The following SENP6 variants were observed in gnomAD, a reference collection of about 807,000 sequenced individuals.
SENP6 encodes SUMO specific peptidase 6, also known as sentrin-specific protease 6.
A neutral mutation model predicts 134.5 loss-of-function variants in SENP6; 41 were observed. The observed-to-expected ratio is 0.30, with a 90% CI of 0.24 to 0.40. The LOEUF (loss-of-function observed/expected upper bound fraction) is 0.40, where lower values mean the gene tolerates loss of function less well. Ranked by LOEUF, SENP6 falls within the 10% of genes least tolerant of loss-of-function variation. The pLI, the probability that SENP6 is intolerant of heterozygous loss-of-function variation, is 1.00. For missense variants in SENP6, 1,248 were observed against 1,312.5 expected (o/e 0.95, Z 0.76); for synonymous variants, 395 against 429.8 (o/e 0.92, Z 1.00).
At chr6:75,640,630 A>G (rs1309961524) in intron 5 of SENP6, 54 bp from the exon 6 acceptor site, 4 of 1,278,186 alleles carry the variant, frequency 3.1e-6, no homozygotes, top group African/African-American at 1.5e-5. Context: ...CTACAGTGAT[A>G]TATCAACAAT....
At chr6:75,631,919 G>A (rs1354389401) in intron 3 of SENP6, among the ~76,000 whole-genome samples, 4 of 152,156 alleles carry the variant, frequency 2.6e-5, no homozygotes, top group African/African-American at 9.7e-5. Flanking sequence ...CTCGGATGAA[G>A]CATTGATGAA....
At chr6:75,650,438 G>T (rs1399027990) in intron 7 of SENP6, among the ~76,000 whole-genome samples, 1 of 152,132 alleles carries the variant, frequency 6.6e-6, no homozygotes, top group Admixed American at 6.6e-5. Context: ...CCATTGGTGG[G>T]TCTTGCTGGC....
At chr6:75,610,411 T>G (rs1478106171) in intron 1 of SENP6, among the ~76,000 whole-genome samples, 1 of 152,180 alleles carries the variant, frequency 6.6e-6, no homozygotes, top group African/African-American at 2.4e-5. Context: ...CAACAATGGA[T>G]AATCCATTAT....
intron 9 of SENP6, among the ~76,000 whole-genome samples, chr6:75,663,832 G>T (rs1350669202): frequency 1.3e-4 from 17 of 128,870 alleles, no homozygotes; most frequent in African/African-American, 4.2e-4. Flanking sequence ...GGGGGGGGGG[G>T]TGCCTAAAAT....
chr6:75,700,638 G>A (rs960658391), intron 18 of SENP6, among the ~76,000 whole-genome samples: 8 of 152,160 alleles, frequency 5.3e-5, no homozygotes, highest in African/African-American at 1.4e-4. Context: ...CCACAGGCAC[G>A]TGCCATCACA....
intron 16 of SENP6, among the ~76,000 whole-genome samples, chr6:75,687,634 A>G (rs562833032): frequency 1.1e-3 from 172 of 152,126 alleles, no homozygotes; most frequent in African/African-American, 3.9e-3. Context: ...CTGTTTGTTG[A>G]TGCTATTCCT....
intron 3 of SENP6, among the ~76,000 whole-genome samples, chr6:75,629,549 C>T (rs751944021): frequency 1.1e-4 from 16 of 152,176 alleles, no homozygotes; most frequent in Non-Finnish European, 1.9e-4. Flanking sequence ...ATCCGCCCAC[C>T]TTGGCTTCCC....
chr6:75,669,023 C>T (rs9359135), intron 10 of SENP6, among the ~76,000 whole-genome samples: 14,621 of 152,214 alleles, frequency 0.096, 730 homozygotes, highest in Non-Finnish European at 0.11. Context: ...AAACAAAACA[C>T]TTTTAAACCT....
At position 75,702,754 on chromosome 6, in the gene SENP6, G is replaced by C. The variant is rs1775123433; in HGVS notation, c.2398G>C (p.Glu800Gln). 2 of 1,613,748 alleles carry C rather than the reference G, an allele frequency of 1.2e-6. No individual in the cohort carries two copies. Among genetic ancestry groups the C allele is most frequent in the African/African-American group, 2.7e-5 (2 of 75,028 alleles). The change falls in exon 19 of 24, where the codon GAG becomes CAG. Residue 800 changes from glutamate (E) to glutamine (Q), a missense_variant. Physicochemically the swap from Glu to Gln is conservative, Grantham distance 29 (BLOSUM62 2). This residue lies in a region of SENP6 where 386 missense variants were observed against 395.0 expected (regional missense o/e 0.98). Coordinates refer to ENST00000447266, the MANE Select transcript of SENP6 (RefSeq NM_015571.4). ...TGTCATACAGAAATGTTCAACTGTA[G>C]AGGACAGTTGTATTTCTTCTTCAGC... ...NAVIQKCSTVEDSCISSSASE... is the reference protein window; with the variant it reads ...NAVIQKCSTVQDSCISSSASE...
intron 19 of SENP6, 71 bp downstream of exon 19, chr6:75,703,143 A>C: frequency 2.4e-6 from 3 of 1,259,176 alleles, no homozygotes; most frequent in Non-Finnish European, 3.3e-6. Context: ...AACAGGATTA[A>C]GATCCTGTTT....
chr6:75,645,065 T>C (rs1770327273), intron 6 of SENP6, among the ~76,000 whole-genome samples: 1 of 152,220 alleles, frequency 6.6e-6, no homozygotes, highest in African/African-American at 2.4e-5. Flanking sequence ...CTCTAGTTCA[T>C]TTTAAACAGC....
chr6:75,674,828 T>C (rs1235277446), intron 11 of SENP6, among the ~76,000 whole-genome samples: 1 of 152,204 alleles, frequency 6.6e-6, no homozygotes, highest in Non-Finnish European at 1.5e-5. Flanking sequence ...GCAGTGAACA[T>C]TTATATAACT....
At chr6:75,694,751 G>T (rs919516380) in intron 16 of SENP6, among the ~76,000 whole-genome samples, 3 of 152,118 alleles carry the variant, frequency 2.0e-5, no homozygotes, top group African/African-American at 7.2e-5. Context: ...TTGTATAAAT[G>T]TAACACTTTA....
At chr6:75,643,117 G>A (rs935853261) in intron 6 of SENP6, among the ~76,000 whole-genome samples, 1 of 152,172 alleles carries the variant, frequency 6.6e-6, no homozygotes, top group African/African-American at 2.4e-5. Flanking sequence ...GGAAGCAAAA[G>A]AGTATGTTGT....
At chr6:75,710,608 T>C (rs1303222674) in intron 20 of SENP6, among the ~76,000 whole-genome samples, 1 of 152,202 alleles carries the variant, frequency 6.6e-6, no homozygotes, top group African/African-American at 2.4e-5. Flanking sequence ...TATATAGGAA[T>C]TACATTCATG....
Position 75,702,821 on chromosome 6 carries a change from C to G in SENP6, c.2465C>G (p.Pro822Arg). The change falls in exon 19 of 24, where the codon CCT (proline) becomes CGT (arginine). Residue 822 changes from proline (P) to arginine (R), a missense_variant. Physicochemically the swap from Pro to Arg is moderately radical, Grantham distance 103. Around this residue, in one of 3 missense-constraint regions of SENP6, gnomAD observed 386 missense variants for 395.0 expected, o/e 0.98. Transcript: ENST00000447266. ...ESCSQNSSAKPVIKKMLNKKH... is the reference protein window; with the variant it reads ...ESCSQNSSAKRVIKKMLNKKH... ...TGTTCACAAAACTCTTCTGCCAAGC[C>G]TGTAATTAAGAAGATGCTAAACAAA... 1 of 1,614,048 alleles carries G rather than the reference C, an allele frequency of 6.2e-7. No individual in the cohort carries two copies. The highest frequency in any genetic ancestry group is 8.5e-7 in the Non-Finnish European group (1 of 1,179,994).
intron 1 of SENP6, among the ~76,000 whole-genome samples, chr6:75,606,694 C>T (rs2149816468): frequency 6.6e-6 from 1 of 152,228 alleles, no homozygotes; most frequent in South Asian, 2.1e-4. Flanking sequence ...ACATGACCCC[C>T]CTAAGAAATG....
At chr6:75,664,092 A>G (rs997743738) in intron 9 of SENP6, among the ~76,000 whole-genome samples, 1 of 152,096 alleles carries the variant, frequency 6.6e-6, no homozygotes, top group African/African-American at 2.4e-5. Flanking sequence ...TAAGTGAATA[A>G]TGCAAGCTAC....
In SENP6 at chr6:75,716,979, T is replaced by C. The variant is rs1220090265; in HGVS notation, c.*1385T>C. On this transcript the variant is annotated 3_prime_UTR_variant, in exon 24 of 24. Transcript: ENST00000447266. ...GAGTATTAACAACAACCAAAAAATATCTATTGAGACACAGTAGAGTCTCAG... is the reference window on the plus strand; with the variant it reads ...GAGTATTAACAACAACCAAAAAATACCTATTGAGACACAGTAGAGTCTCAG... 6.6e-6 allele frequency: 1 copy of C among 151,906 alleles called. No homozygotes were observed. Among genetic ancestry groups the C allele is most frequent in the Non-Finnish European group, 1.5e-5 (1 of 67,850 alleles). The allele number at this position is 151,906 out of a possible 1,614,324, so 9.4% of individuals were successfully genotyped here.
Sources: allele counts gnomAD v4.1 joint callset (sites outside exome capture counted in the v4.1 genomes callset), GRCh38; gene constraint gnomAD v4.1.1; regional missense constraint gnomAD v4.1.1; transcripts MANE v1.5; gene names NCBI Gene and HGNC (gene_info 2026-07-23, HGNC 2026-07-21).